IL12B: variants seen among roughly 807,000 people sequenced by gnomAD.
IL12B encodes the protein interleukin 12B.
Under a neutral mutation model 39.2 loss-of-function variants are expected in IL12B, and 27 were observed. The observed-to-expected ratio is 0.69, with a 90% CI of 0.51 to 0.95. The LOEUF (loss-of-function observed/expected upper bound fraction) is 0.95. Among genes scored for constraint, IL12B ranks in the 40% least tolerant of loss-of-function variants. The pLI is 0.00. For synonymous variants in IL12B, 142 were observed against 152.1 expected, an observed-to-expected ratio of 0.93 and a Z score of 0.49; for missense variants, 351 against 397.6, an observed-to-expected ratio of 0.88 and a Z score of 1.00.
At chr5:159,318,946 G>C in intron 5 of IL12B, 53 bp from the exon 6 acceptor site, 1 of 1,527,040 alleles carries the variant, frequency 6.5e-7, no homozygotes, top group Non-Finnish European at 9.0e-7. Flanking sequence ...TTGGAGTTCA[G>C]TGGTTTTGGC....
In IL12B at chr5:159,322,450, G is replaced by C; in HGVS notation, c.426C>G (p.Cys142Trp). ...CAGTACTGATTGTCGTCAGCCACCA[G>C]CAGGTGAAACGTCCAGAATAATTCT... ...EAKNYSGRFTCWWLTTISTDL... is the reference protein window; with the variant it reads ...EAKNYSGRFTWWWLTTISTDL... The change falls in exon 4 of 8, where the codon TGC becomes TGG. Residue 142 changes from cysteine (C) to tryptophan (W), a missense_variant. Coordinates refer to ENST00000231228, the MANE Select transcript of IL12B (RefSeq NM_002187.3). 6.2e-7 allele frequency: 1 copy of C among 1,613,910 alleles called. No homozygotes were observed. The highest frequency in any genetic ancestry group is 8.5e-7 in the Non-Finnish European group (1 of 1,179,778).
intron 1 of IL12B, among the ~76,000 whole-genome samples, chr5:159,329,128 C>T (rs1369268145): frequency 6.6e-6 from 1 of 152,212 alleles, no homozygotes; most frequent in Non-Finnish European, 1.5e-5. Context: ...GGCTTCCCAA[C>T]ACTGGTGCCA....
chr5:159,316,807 C>T lies in IL12B; in HGVS notation c.865G>A (p.Val289Ile). ...GKSKREKKDR[V>I]FTDKTSATVI... Reference sequence around the variant, plus strand: ...GTGGCTGAGGTCTTGTCCGTGAAGACTCTATCTTTCTGCAAAAGAGAAGGA... The same window carrying T: ...GTGGCTGAGGTCTTGTCCGTGAAGATTCTATCTTTCTGCAAAAGAGAAGGA... The change falls in exon 7 of 8, where the codon GTC becomes ATC. Residue 289 changes from valine to isoleucine, a missense_variant. Val to Ile is a conservative substitution (Grantham distance 29, BLOSUM62 3). Transcript: ENST00000231228. 3 of 1,613,986 alleles carry T rather than the reference C, an allele frequency of 1.9e-6. No individual in the cohort carries two copies. The highest frequency in any genetic ancestry group is 2.5e-6 in the Non-Finnish European group (3 of 1,180,028).
At chr5:159,328,898 TG>T (rs1754233684) in intron 1 of IL12B, among the ~76,000 whole-genome samples, 1 of 152,186 alleles carries the variant, frequency 6.6e-6, no homozygotes, top group South Asian at 2.1e-4. Flanking sequence ...GGAGAGGTGA[TG>T]GTGGTGGGTC....
intron 4 of IL12B, 139 bp from the exon 5 acceptor site, chr5:159,320,659 G>A (rs181684575): frequency 8.2e-6 from 6 of 729,122 alleles, no homozygotes; most frequent in African/African-American, 7.0e-5. Context: ...CTACCCAGAG[G>A]GTAAGAAACT....
chr5:159,321,051 G>C (rs1754080391), intron 4 of IL12B, among the ~76,000 whole-genome samples: 1 of 150,780 alleles, frequency 6.6e-6, no homozygotes, highest in Admixed American at 6.6e-5. Context: ...CCAGGCTGGA[G>C]TGAAGTGGTG....
At position 159,315,307 on chromosome 5, in the gene IL12B, C is replaced by A. The variant is rs765892969; in HGVS notation, c.*794G>T. On this transcript the variant is annotated 3_prime_UTR_variant, in exon 8 of 8. Coordinates refer to ENST00000231228, the MANE Select transcript of IL12B (RefSeq NM_002187.3). ...TCCTGGGCTCAAGAGATCCTCCTGC[C>A]TCATCCTCCTGAACAGCTGGGACCA... The A allele has an allele frequency of 6.6e-6, 1 of 152,232 alleles. No individual in the cohort carries two copies. The highest frequency in any genetic ancestry group is 1.5e-5 in the Non-Finnish European group (1 of 68,122). The allele number at this position is 152,232 out of a possible 1,614,324, so 9.4% of individuals were successfully genotyped here. A position where few individuals can be genotyped will look rare whatever the true frequency, so the allele number is the denominator to read the frequency against.
rs1754127107 is a variant in IL12B, at chr5:159,323,204, C to A, written c.214G>T (p.Gly72Cys). The A allele has an allele frequency of 1.9e-6, 3 of 1,614,018 alleles. No individual in the cohort carries two copies. The highest frequency in any genetic ancestry group is 1.7e-6 in the Non-Finnish European group (2 of 1,180,022). ...TTGACTTGGATGGTCAGGGTTTTGCCAGAGCCTAAGACCTCACTGCTCTGG... is the reference window on the plus strand; with the variant it reads ...TTGACTTGGATGGTCAGGGTTTTGCAAGAGCCTAAGACCTCACTGCTCTGG... The part of the protein sequence containing the change: ...LDQSSEVLGS[G>C]KTLTIQVKEF... Residue 72 changes from glycine to cysteine, a missense_variant, in exon 3 of 8, where the codon GGC becomes TGC. Gly to Cys is a radical substitution (Grantham distance 159). Transcript: ENST00000231228.
At chr5:159,326,873 G>T in intron 1 of IL12B, 91 bp from the exon 2 acceptor site, 5 of 854,340 alleles carry the variant, frequency 5.9e-6, no homozygotes. Flanking sequence ...AATAATTCTT[G>T]TTACCTTTGT....
chr5:159,320,264 G>A (rs755635333), intron 5 of IL12B, 42 bp downstream of exon 5: 6 of 1,536,070 alleles, frequency 3.9e-6, no homozygotes, highest in Non-Finnish European at 9.0e-7. Flanking sequence ...GTGACAAATA[G>A]TATCTTTCCT....
intron 6 of IL12B, chr5:159,318,200 A>G (rs1754019784): frequency 6.4e-6 from 1 of 155,948 alleles, no homozygotes; most frequent in Admixed American, 6.2e-5. Context: ...AAAAGGGGGT[A>G]AAAAAACAAG....
chr5:159,325,910 G>A (rs190099079), intron 2 of IL12B, among the ~76,000 whole-genome samples: 28 of 152,274 alleles, frequency 1.8e-4, no homozygotes, highest in Admixed American at 7.8e-4. Context: ...CTGAGTGTGA[G>A]ATACTAGAAG....
At chr5:159,319,633 A>T (rs1316124439) in intron 5 of IL12B, among the ~76,000 whole-genome samples, 1 of 152,248 alleles carries the variant, frequency 6.6e-6, no homozygotes, top group Non-Finnish European at 1.5e-5. Context: ...TCTGCTCTTA[A>T]CACAACTGAC....
chr5:159,320,524 A>C lies in IL12B; in HGVS notation c.483-4T>G. On this transcript the variant is annotated splice_region_variant and splice_polypyrimidine_tract_variant and intron_variant, in intron 4 of 7. Coordinates refer to ENST00000231228, the MANE Select transcript of IL12B (RefSeq NM_002187.3). ...CACCCCTTGGGGGTCAGAAGAGCTG[A>C]AGTCAAAGACAGAAATTAGCCTGTG... 1 of 1,612,622 alleles carries C rather than the reference A, an allele frequency of 6.2e-7. No homozygotes were observed. The highest frequency in any genetic ancestry group is 8.5e-7 in the Non-Finnish European group (1 of 1,178,702).
Position 159,320,464 on chromosome 5 carries a change from ACTCT to A in IL12B, c.535_538del (p.Arg179SerfsTer64), listed in dbSNP as rs1191481412. ...CTCATACTCCTTGTTGTCCCCTCTGACTCTCTCTGCAGAGAGTGTAGCAGCTCCG... is the reference window on the plus strand; with the variant it reads ...CTCATACTCCTTGTTGTCCCCTCTGACTCTGCAGAGAGTGTAGCAGCTCCG... On this transcript the variant is annotated frameshift_variant, in exon 5 of 8. Transcript: ENST00000231228. LOFTEE classifies it high-confidence loss of function. The A allele has an allele frequency of 6.2e-7, 1 of 1,613,884 alleles. No individual in the cohort carries two copies.
chr5:159,328,837 G>A (rs1433048), intron 1 of IL12B, among the ~76,000 whole-genome samples: 132,039 of 152,138 alleles, frequency 0.87, 57,626 homozygotes, highest in East Asian at 1. Context: ...GTTCTAAGAA[G>A]CAACTCCCAT....
At chr5:159,317,585 A>G (rs1397424532) in intron 6 of IL12B, among the ~76,000 whole-genome samples, 1 of 152,196 alleles carries the variant, frequency 6.6e-6, no homozygotes, top group Non-Finnish European at 1.5e-5. Flanking sequence ...GTGGGGTGAA[A>G]GGAGTCTGGG....
intron 1 of IL12B, among the ~76,000 whole-genome samples, chr5:159,327,781 T>C (rs1371862704): frequency 6.6e-6 from 1 of 152,174 alleles, no homozygotes; most frequent in Non-Finnish European, 1.5e-5. Flanking sequence ...TATTGATATA[T>C]CCACCATGAA....
chr5:159,319,444 C>A (rs1386978818), intron 5 of IL12B, among the ~76,000 whole-genome samples: 2 of 152,182 alleles, frequency 1.3e-5, no homozygotes, highest in African/African-American at 2.4e-5. Context: ...TATGTTCCAG[C>A]CACTGGACTG....
Sources: allele counts gnomAD v4.1 joint callset (sites outside exome capture counted in the v4.1 genomes callset), GRCh38; gene constraint gnomAD v4.1.1; transcripts MANE v1.5; gene names NCBI Gene and HGNC (gene_info 2026-07-23, HGNC 2026-07-21).